PDE6A: variants seen among roughly 807,000 people sequenced by gnomAD.
PDE6A encodes rod cGMP-specific 3',5'-cyclic phosphodiesterase subunit alpha.
A neutral mutation model predicts 106.3 loss-of-function variants in PDE6A; 84 were observed. The ratio of observed to expected loss-of-function variants is 0.79; its 90% CI spans 0.66 to 0.95. The LOEUF (loss-of-function observed/expected upper bound fraction) is 0.95, where lower values mean the gene tolerates loss of function less well. PDE6A is among the 40% of genes least tolerant of loss of function. The pLI, the probability that PDE6A is intolerant of heterozygous loss-of-function variation, is 0.00. For synonymous variants in PDE6A, 394 were observed against 386.6 expected, an observed-to-expected ratio of 1.02 and a Z score of -0.23; for missense variants, 1,052 against 1,084.9, an observed-to-expected ratio of 0.97 and a Z score of 0.43.
Position 149,931,040 on chromosome 5 carries a change from C to T in PDE6A, c.846G>A (p.Met282Ile), listed in dbSNP as rs1383415908. The T allele has an allele frequency of 5.6e-6, 9 of 1,614,110 alleles. No individual in the cohort carries two copies. The highest frequency in any genetic ancestry group is 7.6e-6 in the Non-Finnish European group (9 of 1,180,010). ...CDRYSVGLLD[M>I]TKQKEFFDVW... ...GAAGTTTTCTCACCTTCTGCTTGGT[C>T]ATGTCTAAGAGACCCACAGAGTATC... Residue 282 changes from methionine (M) to isoleucine (I), a missense_variant, in exon 4 of 22, where the codon ATG becomes ATA. This residue lies in a region of PDE6A where 913 missense variants were observed against 915.2 expected (regional missense o/e 1.00). Coordinates refer to ENST00000255266, the MANE Select transcript of PDE6A (RefSeq NM_000440.3).
chr5:149,944,277 C>T lies in PDE6A; in HGVS notation c.397G>A (p.Val133Ile), dbSNP rs768596256. 4.5e-5 allele frequency: 72 copies of T among 1,613,796 alleles called. No individual in the cohort carries two copies. The highest frequency in any genetic ancestry group is 5.0e-5 in the Admixed American group (3 of 59,980). ...ACGATGCCCATGTCCAAAGGGAAGA[C>T]GATCTCTTGGTCGGGCATCACCAGG... ...DCLVMPDQEI[V>I]FPLDMGIVGH... is the part of the protein sequence containing the mutation. The change falls in exon 1 of 22, where the codon GTC (valine) becomes ATC (isoleucine). Residue 133 changes from valine (V) to isoleucine (I), a missense_variant. Around this residue, in one of 3 missense-constraint regions of PDE6A, gnomAD observed 913 missense variants for 915.2 expected, o/e 1.00. Coordinates refer to ENST00000255266, the MANE Select transcript of PDE6A (RefSeq NM_000440.3).
At chr5:149,906,167 T>G (rs917708806) in intron 7 of PDE6A, among the ~76,000 whole-genome samples, 7 of 151,976 alleles carry the variant, frequency 4.6e-5, no homozygotes, top group Non-Finnish European at 1.0e-4. Context: ...CAGAGTTATC[T>G]TTCTAAAATG....
In PDE6A at chr5:149,886,010, G is replaced by A. The variant is rs944283434; in HGVS notation, c.1838+255C>T. Among the ~76,000 whole-genome samples, 5 of 152,172 alleles carry A rather than the reference G, an allele frequency of 3.3e-5. No individual in the cohort carries two copies. The East Asian group carries it at 5.8e-4, about 18-fold the overall frequency. On this transcript the variant is annotated intron_variant, in intron 14 of 21. Transcript: ENST00000255266. ...ATAATCCCTGTATCTCAAGATCCTC[G>A]ACTTAATCACATCTGCACAGTCCCT...
intron 17 of PDE6A, 87 bp from the exon 18 acceptor site, chr5:149,868,245 C>T (rs1329966978): frequency 6.2e-6 from 8 of 1,297,418 alleles, no homozygotes; most frequent in East Asian, 2.3e-5. Context: ...CTTTCTCCAC[C>T]CCCACTAGTA....
Position 149,896,624 on chromosome 5 carries a change from A to G in PDE6A, c.1473+87T>C, listed in dbSNP as rs143041216. The G allele has an allele frequency of 5.1e-4, 816 of 1,613,814 alleles. 2 individuals are homozygous for G. The African/African-American group carries it at 9.8e-3, about 19-fold the overall frequency. ...GGATCAGAACAGAGTGATGGGGAAC[A>G]TGCTTTGCAAGGAGAAACCCCTGCA... On this transcript the variant is annotated intron_variant, in intron 11 of 21. Transcript: ENST00000255266.
intron 4 of PDE6A, among the ~76,000 whole-genome samples, chr5:149,925,714 A>G (rs1753847199): frequency 6.6e-6 from 1 of 151,726 alleles, no homozygotes; most frequent in Admixed American, 6.6e-5. Flanking sequence ...CTCAAAAAAA[A>G]AAAAAAAAAA....
chr5:149,876,889 C>CAGAT (rs112207323), intron 17 of PDE6A, among the ~76,000 whole-genome samples: 32,250 of 151,478 alleles, frequency 0.21, 5,344 homozygotes, highest in African/African-American at 0.47. Flanking sequence ...ACTAGACAGA[C>CAGAT]AGATGATGAT....
At chr5:149,903,136 G>A (rs1354316373) in intron 8 of PDE6A, among the ~76,000 whole-genome samples, 2 of 113,872 alleles carry the variant, frequency 1.8e-5, no homozygotes, top group South Asian at 6.3e-4. Flanking sequence ...GCAACAGAGT[G>A]AGACCCTCTC....
rs181609478 is a variant in PDE6A, at chr5:149,879,217, G to A, written c.2135+4212C>T. ...TTCCCAAGTAGCTGGGATTACAGGC[G>A]CCTGCTACCTCGCCTAGATAATTTT... On this transcript the variant is annotated intron_variant, in intron 17 of 21. Transcript: ENST00000255266. Among the ~76,000 whole-genome samples the A allele has an allele frequency of 4.7e-3, 719 of 151,940 alleles. 1 individual carries two copies. The highest frequency in any genetic ancestry group is 7.8e-3 in the Non-Finnish European group (527 of 67,946).
At chr5:149,923,793 C>T (rs961012175) in intron 4 of PDE6A, among the ~76,000 whole-genome samples, 7 of 152,104 alleles carry the variant, frequency 4.6e-5, no homozygotes, top group Admixed American at 4.6e-4. Flanking sequence ...TTCCATCCTC[C>T]AGTGCCCTTT....
intron 4 of PDE6A, among the ~76,000 whole-genome samples, chr5:149,928,232 T>TATATA (rs1554091941): frequency 8.8e-5 from 1 of 11,350 alleles, no homozygotes; most frequent in Non-Finnish European, 1.8e-4. Context: ...TATATATATA[T>TATATA]TTTTTTTTTT....
chr5:149,921,683 C>T lies in PDE6A; in HGVS notation c.885G>A (p.Leu295=), dbSNP rs764126189. 6.2e-7 allele frequency: 1 copy of T among 1,613,946 alleles called. No individual in the cohort carries two copies. The highest frequency in any genetic ancestry group is 8.5e-7 in the Non-Finnish European group (1 of 1,179,884). ...QKEFFDVWPV[L]MGEVPPYSGP... ...CAGAGTAAGGTGGAACTTCACCCAT[C>T]AGAACCGGCCACACATCAAAAAATT... is the stretch of plus-strand genomic sequence containing the variant. Residue 295 remains leucine (L), a synonymous_variant, in exon 5 of 22, where the codon CTG becomes CTA. Transcript: ENST00000255266.
In PDE6A at chr5:149,884,807, C is replaced by T; in HGVS notation, c.1899G>A (p.Glu633=). ...GSSILERHHL[E]FGKTLLRDES... ...CGTCTCTGAGCAGTGTTTTGCCAAA[C>T]TCCAAGTGGTGTCTTTCCAAGATAG... The change falls in exon 15 of 22, where the codon GAG becomes GAA. Residue 633 remains glutamate (E), a synonymous_variant. Transcript: ENST00000255266. The T allele has an allele frequency of 6.2e-7, 1 of 1,614,180 alleles. No homozygotes were observed. Among genetic ancestry groups the T allele is most frequent in the Non-Finnish European group, 8.5e-7 (1 of 1,180,000 alleles).
chr5:149,911,173 G>A (rs2113622384), intron 6 of PDE6A, among the ~76,000 whole-genome samples: 1 of 152,010 alleles, frequency 6.6e-6, no homozygotes, highest in Non-Finnish European at 1.5e-5. Context: ...GAGCCACTGT[G>A]CCCGGCAACA....
intron 14 of PDE6A, among the ~76,000 whole-genome samples, chr5:149,885,520 C>T (rs1362922069): frequency 6.6e-6 from 1 of 152,190 alleles, no homozygotes; most frequent in African/African-American, 2.4e-5. Flanking sequence ...AGCTGTTTTG[C>T]TCATCAGAGC....
intron 5 of PDE6A, 26 bp from the exon 6 acceptor site, chr5:149,915,033 T>A (rs1314512669): frequency 6.8e-4 from 40 of 58,498 alleles, no homozygotes; most frequent in Non-Finnish European, 9.8e-4. Flanking sequence ...AAAATTATAC[T>A]TTTTTTTTTT....
intron 17 of PDE6A, among the ~76,000 whole-genome samples, chr5:149,876,723 C>T (rs1760754629): frequency 6.6e-6 from 1 of 152,168 alleles, no homozygotes; most frequent in South Asian, 2.1e-4. Flanking sequence ...CCAGGCTGGT[C>T]TTGAACCTCT....
chr5:149,868,684 C>A (rs1409593711), intron 17 of PDE6A, among the ~76,000 whole-genome samples: 1 of 152,136 alleles, frequency 6.6e-6, no homozygotes. Context: ...TGCCAACGAG[C>A]CTTTTTAGAT....
At chr5:149,925,845 TATA>T (rs1753851672) in intron 4 of PDE6A, among the ~76,000 whole-genome samples, 2 of 151,462 alleles carry the variant, frequency 1.3e-5, no homozygotes, top group South Asian at 4.2e-4. Flanking sequence ...AAGTCTAACA[TATA>T]ATAATAATAA....
Sources: gnomAD v4.1 joint callset for allele counts (sites outside exome capture counted in the v4.1 genomes callset) on GRCh38, gnomAD v4.1.1 for gene constraint, gnomAD v4.1.1 regional missense constraint, MANE v1.5 for transcripts, NCBI Gene and HGNC (gene_info 2026-07-23, HGNC 2026-07-21) for gene names.